Variants in NFAT5 observed in about 807,000 individuals in gnomAD.
NFAT5 encodes the protein nuclear factor of activated T cells 5, also known as nuclear factor of activated T-cells 5.
Under a neutral mutation model 166.5 loss-of-function variants are expected in NFAT5, and 31 were observed. The ratio of observed to expected loss-of-function variants is 0.19; its 90% confidence interval spans 0.14 to 0.25. The LOEUF is 0.25. Among genes scored for constraint, NFAT5 ranks in the 10% least tolerant of loss-of-function variants. The pLI, the probability that NFAT5 is intolerant of heterozygous loss-of-function variation, is 1.00. For missense variants in NFAT5, 1,449 were observed against 1,821.8 expected, an observed-to-expected ratio of 0.80 and a Z score of 3.72; for synonymous variants, 612 against 639.7, an observed-to-expected ratio of 0.96 and a Z score of 0.65.
chr16:69,672,556 G>A (rs893687986), intron 9 of NFAT5, among the ~76,000 whole-genome samples: 1 of 152,122 alleles, frequency 6.6e-6, no homozygotes, highest in African/African-American at 2.4e-5. Flanking sequence ...TGTGTTCCTT[G>A]TAATACCAAA....
At chr16:69,689,698 C>T (rs1355564717) in intron 11 of NFAT5, among the ~76,000 whole-genome samples, 1 of 152,176 alleles carries the variant, frequency 6.6e-6, no homozygotes, top group African/African-American at 2.4e-5. Context: ...GCATGTGCCA[C>T]CATGCCCTGC....
chr16:69,642,140 C>G (rs2035240639), intron 3 of NFAT5, among the ~76,000 whole-genome samples: 1 of 152,038 alleles, frequency 6.6e-6, no homozygotes, highest in African/African-American at 2.4e-5. Flanking sequence ...AAATAAAATC[C>G]TGTTTCATCT....
intron 7 of NFAT5, among the ~76,000 whole-genome samples, chr16:69,664,384 A>G (rs2036273627): frequency 6.6e-6 from 1 of 152,104 alleles, no homozygotes. Flanking sequence ...TCCGGGGTTC[A>G]CACCATTCTC....
At position 69,566,370 on chromosome 16, in the gene NFAT5, G is replaced by A; in HGVS notation, c.69G>A (p.Ser23=). The A allele has an allele frequency of 6.2e-7, 1 of 1,602,530 alleles. No homozygotes were observed. The highest frequency in any genetic ancestry group is 1.1e-5 in the South Asian group (1 of 88,698). The change falls in exon 1 of 15, where the codon TCG becomes TCA. Residue 23 remains serine (S), a synonymous_variant. Transcript: ENST00000349945. This position sits in a 1 kb window ranked among gnomAD's most constrained non-coding sequence, Gnocchi z 5.7. ...LDLESPKSLY[S]RDSLKLHPSQ... is the part of the protein sequence containing the mutation. ...TGGAATCGCCCAAGTCCCTCTACTC[G>A]CGAGGTGAGTCAGGCTGTGGGGGGT...
rs2037550186 is a variant in NFAT5 at position 69,691,677 on chromosome 16, G to C, written c.1924-72G>C. 3.3e-6 allele frequency: 4 copies of C among 1,209,008 alleles called. No individual in the cohort carries two copies. The Admixed American group carries it at 9.3e-5, about 28-fold the overall frequency. The allele number at this position is 1,209,008 out of a possible 1,614,324, so 74.9% of individuals were successfully genotyped here. ...CTGCATATATTTTTAGAGCAATAGT[G>C]ATTTTTGATGTATGTTACAAACTTG... On this transcript the variant is annotated intron_variant, in intron 12 of 14. Coordinates refer to ENST00000349945, the MANE Select transcript of NFAT5 (RefSeq NM_138713.4).
chr16:69,584,070 CA>C (rs1401593282), intron 2 of NFAT5, among the ~76,000 whole-genome samples: 1 of 151,710 alleles, frequency 6.6e-6, no homozygotes, highest in African/African-American at 2.4e-5. Context: ...ACTAAAAATA[CA>C]AAAAATTAGC....
At chr16:69,626,303 TCTC>T in intron 2 of NFAT5, 97 bp from the exon 3 acceptor site, 3 of 1,091,036 alleles carry the variant, frequency 2.7e-6, no homozygotes, top group Admixed American at 2.8e-5. Flanking sequence ...ATAATACAGT[TCTC>T]CTCATGAGAG....
intron 2 of NFAT5, among the ~76,000 whole-genome samples, chr16:69,622,153 C>G (rs2034229990): frequency 6.6e-6 from 1 of 152,028 alleles, no homozygotes; most frequent in Non-Finnish European, 1.5e-5. Flanking sequence ...GGAGAAAGGC[C>G]AGTGGCTGTG....
At chr16:69,662,058 A>AT (rs1157574098) in intron 7 of NFAT5, among the ~76,000 whole-genome samples, 1 of 152,100 alleles carries the variant, frequency 6.6e-6, no homozygotes, top group Non-Finnish European at 1.5e-5. Flanking sequence ...CCCTGTCTCT[A>AT]TTTTTTTAAT....
intron 2 of NFAT5, among the ~76,000 whole-genome samples, chr16:69,575,846 C>T (rs1021439782): frequency 5.3e-5 from 8 of 152,002 alleles, no homozygotes; most frequent in African/African-American, 9.7e-5. Flanking sequence ...AAAAATCCTG[C>T]GATGTAGTAC....
intron 2 of NFAT5, among the ~76,000 whole-genome samples, chr16:69,611,470 G>A (rs373124153): frequency 1.3e-5 from 2 of 152,322 alleles, no homozygotes; most frequent in South Asian, 4.1e-4. Flanking sequence ...TTTAGCAGAT[G>A]TCTTAGTCTG....
chr16:69,602,903 T>TC (rs2033212637), intron 2 of NFAT5, among the ~76,000 whole-genome samples: 1 of 151,942 alleles, frequency 6.6e-6, no homozygotes, highest in African/African-American at 2.4e-5. Context: ...GCACCACTGC[T>TC]CCTGGCCTTG....
chr16:69,693,303 C>A lies in NFAT5; in HGVS notation c.3478C>A (p.Leu1160Ile), dbSNP rs749509432. 1 of 1,614,222 alleles carries A rather than the reference C, an allele frequency of 6.2e-7. No individual in the cohort carries two copies. Among genetic ancestry groups the A allele is most frequent in the Admixed American group, 1.7e-5 (1 of 60,020 alleles). The stretch of plus-strand genomic sequence containing the variant: ...AGACCAGCAGTCAACCAACATATTT[C>A]TTTCCCAGAGTCCCATGAATAATCT... ...PQDQQSTNIF[L>I]SQSPMNNLQT... The change falls in exon 13 of 15, where the codon CTT becomes ATT. Residue 1160 changes from leucine (L) to isoleucine (I), a missense_variant. Coordinates refer to ENST00000349945, the MANE Select transcript of NFAT5 (RefSeq NM_138713.4).
Position 69,566,389 on chromosome 16 carries a change from G to T in NFAT5, c.73+15G>T. The T allele has an allele frequency of 1.9e-6, 3 of 1,564,644 alleles. No homozygotes were observed. Among genetic ancestry groups the T allele is most frequent in the Non-Finnish European group, 2.6e-6 (3 of 1,146,930 alleles). ...CTACTCGCGAGGTGAGTCAGGCTGT[G>T]GGGGGTGGGGCGTGGGGGCGGGGAG... On this transcript the variant is annotated intron_variant, in intron 1 of 14. Transcript: ENST00000349945. This position sits in a 1 kb window ranked among gnomAD's most constrained non-coding sequence, Gnocchi z 5.7.
chr16:69,599,555 A>G (rs980901504), intron 2 of NFAT5, among the ~76,000 whole-genome samples: 1 of 152,220 alleles, frequency 6.6e-6, no homozygotes, highest in Admixed American at 6.5e-5. Context: ...TGGGTGACAG[A>G]GCGAGAGTCA....
chr16:69,685,183 TATATA>T (rs200850558), intron 11 of NFAT5: 4,118 of 130,966 alleles, frequency 0.031, 85 homozygotes, highest in Non-Finnish European at 0.046. Context: ...TATATATATA[TATATA>T]TATTTTTTTT....
intron 3 of NFAT5, among the ~76,000 whole-genome samples, chr16:69,637,577 G>A (rs1234794888): frequency 6.6e-6 from 1 of 152,194 alleles, no homozygotes; most frequent in Non-Finnish European, 1.5e-5. Context: ...AAATGAGGAA[G>A]AAGCAAAAGT....
chr16:69,702,411 G>A lies in NFAT5; in HGVS notation c.*6060G>A, dbSNP rs550803821. Reference sequence around the variant, plus strand: ...AAACGTCACATTTTAGAAACATTCAGCTTGCTAACCTACATGTTTGGGAAT... The same window carrying A: ...AAACGTCACATTTTAGAAACATTCAACTTGCTAACCTACATGTTTGGGAAT... On this transcript the variant is annotated 3_prime_UTR_variant, in exon 15 of 15. Transcript: ENST00000349945. The A allele has an allele frequency of 6.6e-6, 1 of 152,354 alleles. No individual in the cohort carries two copies. Among genetic ancestry groups the A allele is most frequent in the South Asian group, 2.1e-4 (1 of 4,826 alleles). The allele number at this position is 152,354 out of a possible 1,614,324, so 9.4% of individuals were successfully genotyped here.
chr16:69,589,382 C>T (rs1161651158), intron 2 of NFAT5, among the ~76,000 whole-genome samples: 1 of 152,162 alleles, frequency 6.6e-6, no homozygotes, highest in Non-Finnish European at 1.5e-5. Context: ...AAACATAGCT[C>T]TTTGTAACAG....
Sources: gnomAD v4.1 joint callset for allele counts (sites outside exome capture counted in the v4.1 genomes callset) on GRCh38, gnomAD v4.1.1 for gene constraint, Gnocchi (gnomAD v3.1) non-coding constraint, MANE v1.5 for transcripts, NCBI Gene and HGNC (gene_info 2026-07-23, HGNC 2026-07-21) for gene names.